FREM1: variants seen among roughly 807,000 people sequenced by gnomAD.
FREM1 encodes the protein FRAS1 related extracellular matrix 1, also known as FRAS1-related extracellular matrix protein 1.
Under a neutral mutation model 210.1 loss-of-function variants are expected in FREM1, and 220 were observed. That is an observed-to-expected ratio of 1.05 (90% confidence interval 0.94 to 1.17). The LOEUF (loss-of-function observed/expected upper bound fraction) is 1.17, where lower values mean the gene tolerates loss of function less well. Ranked by LOEUF, FREM1 falls within the 50% of genes most tolerant of loss-of-function variation. The probability of loss-of-function intolerance (pLI) is 0.00; values close to 1 mark genes in which losing one functional copy is unlikely to be tolerated. For synonymous variants in FREM1, 1,189 were observed against 980.2 expected (o/e 1.21, Z -3.98); for missense variants, 3,454 against 2,675.5 (o/e 1.29, Z -6.42).
At chr9:14,766,806 AC>A (rs577219436) in intron 27 of FREM1, among the ~76,000 whole-genome samples, 6 of 152,176 alleles carry the variant, frequency 3.9e-5, no homozygotes, top group Non-Finnish European at 8.8e-5. Flanking sequence ...GCCAAAGAAC[AC>A]CACAAAGTTC....
chr9:14,907,085 T>C (rs1683797744), intron 1 of FREM1, among the ~76,000 whole-genome samples: 3 of 152,224 alleles, frequency 2.0e-5, no homozygotes, highest in African/African-American at 7.2e-5. Context: ...TTGGCTTCTG[T>C]AAAAACTTAC....
At position 14,835,840 on chromosome 9, in the gene FREM1, G is replaced by A. The variant is rs1304504638; in HGVS notation, c.1881+5607C>T. Among the ~76,000 whole-genome samples, 9 of 152,286 alleles carry A rather than the reference G, an allele frequency of 5.9e-5. No homozygotes were observed. The East Asian group carries it at 1.2e-3, about 20-fold the overall frequency. ...TTTTACCAAAAGTGAAGACTGAAGA[G>A]AAAAATTTTGCTCCAAAACTTATCA... On this transcript the variant is annotated intron_variant, in intron 10 of 36. Transcript: ENST00000380880.
chr9:14,861,130 C>CAT (rs536484018), intron 3 of FREM1, among the ~76,000 whole-genome samples: 10,458 of 68,502 alleles, frequency 0.15, 1,384 homozygotes, highest in African/African-American at 0.26. Flanking sequence ...CATATATACA[C>CAT]ATATATACAT....
At position 14,836,208 on chromosome 9, in the gene FREM1, G is replaced by A. The variant is rs1415132488; in HGVS notation, c.1881+5239C>T. ...CCACACCACACTTGTGGGAATTGCT[G>A]TCCTCACTCTACTATTTGCAATAGG... On this transcript the variant is annotated intron_variant, in intron 10 of 36. Coordinates refer to ENST00000380880, the MANE Select transcript of FREM1 (RefSeq NM_001379081.2). The surrounding 1 kb of genome is among the most constrained non-coding windows in gnomAD (Gnocchi z 4.9). Among the ~76,000 whole-genome samples, 7 of 152,188 alleles carry A rather than the reference G, an allele frequency of 4.6e-5. No homozygotes were observed.
At chr9:14,739,451 T>TATATATATATATATATATAATTC (rs2131850607) in intron 36 of FREM1, among the ~76,000 whole-genome samples, 1 of 8,686 alleles carries the variant, frequency 1.2e-4, no homozygotes, top group East Asian at 6.9e-3. Context: ...TTATTTGGAA[T>TATATATATATATATATATAATTC]ATATATATAT....
At chr9:14,908,385 C>T (rs776980755) in intron 1 of FREM1, among the ~76,000 whole-genome samples, 1 of 152,210 alleles carries the variant, frequency 6.6e-6, no homozygotes, top group Non-Finnish European at 1.5e-5. Context: ...GAATTAAGAA[C>T]AGTCCTGGGT....
chr9:14,771,733 T>C (rs1847609679), intron 25 of FREM1, among the ~76,000 whole-genome samples: 1 of 152,162 alleles, frequency 6.6e-6, no homozygotes, highest in African/African-American at 2.4e-5. Context: ...CCTAGCAAAG[T>C]AAAGAATTCT....
rs575357736 is a variant in FREM1, at chr9:14,808,076, T to A, written c.2952A>T (p.Gly984=). 1.2e-6 allele frequency: 2 copies of A among 1,613,310 alleles called. No individual in the cohort carries two copies. Among genetic ancestry groups the A allele is most frequent in the African/African-American group, 2.7e-5 (2 of 74,988 alleles). ...FDTITLVVSD[G]EAGPFVNGCC... ...AGCCATTCACAAAAGGGCCAGCCTC[T>A]CCATCCGAAACCACCAATGTAATGG... is the stretch of plus-strand genomic sequence containing the variant. The change falls in exon 17 of 37, where the codon GGA becomes GGT. Residue 984 remains glycine, a synonymous_variant. Coordinates refer to ENST00000380880, the MANE Select transcript of FREM1 (RefSeq NM_001379081.2).
chr9:14,829,533 T>C (rs1823146171), intron 10 of FREM1, among the ~76,000 whole-genome samples: 1 of 152,142 alleles, frequency 6.6e-6, no homozygotes, highest in Non-Finnish European at 1.5e-5. Context: ...CCCTCATGAA[T>C]GGGTTAATGA....
rs773799804 is a variant in FREM1 at position 14,788,989 on chromosome 9, G to A, written c.4107C>T (p.Phe1369=). 1 of 1,613,026 alleles carries A rather than the reference G, an allele frequency of 6.2e-7. No individual in the cohort carries two copies. The change falls in exon 23 of 37, where the codon TTC becomes TTT. Residue 1369 remains phenylalanine, a synonymous_variant. Transcript: ENST00000380880. The part of the protein sequence containing the change: ...MDSQNQDSFT[F]YLWDGNNRSP... ...ACCTGTTGTTGCCATCCCAAAGGTA[G>A]AAGGTGAAGCTATCTTGATTCTGGG...
rs1175117942 is a variant in FREM1 at position 14,819,390 on chromosome 9, G to A, written c.2390C>T (p.Thr797Ile). 1 of 1,613,430 alleles carries A rather than the reference G, an allele frequency of 6.2e-7. No individual in the cohort carries two copies. Among genetic ancestry groups the A allele is most frequent in the Non-Finnish European group, 8.5e-7 (1 of 1,179,578 alleles). Residue 797 changes from threonine to isoleucine, a missense_variant, in exon 14 of 37, where the codon ACA becomes ATA. Transcript: ENST00000380880. The stretch of plus-strand genomic sequence containing the variant: ...TGCATCAGAAATTAGAATGTGCTCT[G>A]TGCTGATGATGCTTTGACCTCCCTC... ...VTEGGQSIIS[T>I]EHILISDADT... is the part of the protein sequence containing the mutation.
chr9:14,892,488 A>C (rs1319465370), intron 1 of FREM1, among the ~76,000 whole-genome samples: 1 of 152,136 alleles, frequency 6.6e-6, no homozygotes, highest in African/African-American at 2.4e-5. Context: ...TGAAAGTTAG[A>C]GTCTTTCCTA....
At chr9:14,825,484 A>C (rs1462557383) in intron 10 of FREM1, among the ~76,000 whole-genome samples, 1 of 116,906 alleles carries the variant, frequency 8.6e-6, no homozygotes, top group African/African-American at 3.5e-5. Context: ...ATGAGACTCC[A>C]TTTCAAAAAA....
At chr9:14,788,874 G>T in intron 23 of FREM1, 45 bp downstream of exon 23, 1 of 1,491,340 alleles carries the variant, frequency 6.7e-7, no homozygotes, top group Non-Finnish European at 9.2e-7. Flanking sequence ...ACTTATACCA[G>T]TTAGCAAAGT....
chr9:14,873,089 T>G (rs1833002659), intron 1 of FREM1, among the ~76,000 whole-genome samples: 1 of 152,192 alleles, frequency 6.6e-6, no homozygotes, highest in Non-Finnish European at 1.5e-5. Flanking sequence ...TATTGAGGAT[T>G]TTTGTATCAA....
chr9:14,860,720 C>CATATATACACATATATACACAT (rs1564100746), intron 3 of FREM1, among the ~76,000 whole-genome samples: 8 of 86,600 alleles, frequency 9.2e-5, no homozygotes, highest in Non-Finnish European at 1.4e-4. Flanking sequence ...CATATATACA[C>CATATATACACATATATACACAT]ATATATACAC....
intron 32 of FREM1, 49 bp from the exon 33 acceptor site, chr9:14,747,477 GA>G: frequency 3.9e-6 from 6 of 1,545,842 alleles, no homozygotes; most frequent in Non-Finnish European, 5.3e-6. Flanking sequence ...CAAACATCAA[GA>G]TAGCAAACAA....
At chr9:14,826,388 C>T (rs1435947291) in intron 10 of FREM1, among the ~76,000 whole-genome samples, 2 of 151,172 alleles carry the variant, frequency 1.3e-5, no homozygotes, top group East Asian at 3.9e-4. Flanking sequence ...CACCACCCAG[C>T]CACCTTTCAA....
At chr9:14,862,613 G>C (rs114004608) in intron 3 of FREM1, among the ~76,000 whole-genome samples, 1 of 152,082 alleles carries the variant, frequency 6.6e-6, no homozygotes, top group African/African-American at 2.4e-5. Context: ...AATTCCAGAA[G>C]ACTTTCATCA....
Sources: allele counts gnomAD v4.1 joint callset (sites outside exome capture counted in the v4.1 genomes callset), GRCh38; gene constraint gnomAD v4.1.1; non-coding constraint Gnocchi (gnomAD v3.1); transcripts MANE v1.5; gene names NCBI Gene and HGNC (gene_info 2026-07-23, HGNC 2026-07-21).